Variants in PRKAA1 observed in about 807,000 individuals in gnomAD.
PRKAA1 encodes 5'-AMP-activated protein kinase catalytic subunit alpha-1.
A neutral mutation model predicts 56.9 loss-of-function variants in PRKAA1; 23 were observed. That is an observed-to-expected ratio of 0.40 (90% CI 0.29 to 0.57). The LOEUF (loss-of-function observed/expected upper bound fraction) is 0.57. Among genes scored for constraint, PRKAA1 ranks in the 20% least tolerant of loss-of-function variants. The pLI is 0.39. For synonymous variants in PRKAA1, 226 were observed against 227.0 expected, an observed-to-expected ratio of 1.00 and a Z score of 0.04; for missense variants, 413 against 679.7, an observed-to-expected ratio of 0.61 and a Z score of 4.36.
intron 2 of PRKAA1, chr5:40,776,883 T>C (rs1287376465): frequency 6.6e-6 from 1 of 152,194 alleles, no homozygotes; most frequent in Non-Finnish European, 1.5e-5. Flanking sequence ...GCACCAAACA[T>C]TACCAGAAGA....
Position 40,761,552 on chromosome 5 carries a change from T to G in PRKAA1, c.*1226A>C, listed in dbSNP as rs563699720. ...TGAATCTAAATGGTAGATATACATGTGCTTACCAAACAGTTTTTCAATTTT... is the reference window on the plus strand; with the variant it reads ...TGAATCTAAATGGTAGATATACATGGGCTTACCAAACAGTTTTTCAATTTT... On this transcript the variant is annotated 3_prime_UTR_variant, in exon 9 of 9. Transcript: ENST00000397128. 2.6e-5 allele frequency: 4 copies of G among 152,318 alleles called. No homozygotes were observed. Among genetic ancestry groups the G allele is most frequent in the Admixed American group, 2.0e-4 (3 of 15,296 alleles). The allele number at this position is 152,318 out of a possible 1,614,324, so 9.4% of individuals were successfully genotyped here.
rs1743590518 is a variant in PRKAA1, at chr5:40,768,804, G to A, written c.596+612C>T. ...TTTCAGTAGTATAGTGAAGGACAAA[G>A]AGTTATTCTTAAAAATATTAAATTC... On this transcript the variant is annotated intron_variant, in intron 5 of 8. Transcript: ENST00000397128. 8 of 1,464,478 alleles carry A rather than the reference G, an allele frequency of 5.5e-6. No individual in the cohort carries two copies. The South Asian group carries it at 1.1e-4, about 20-fold the overall frequency. 90.7% of individuals were successfully genotyped at this position (1,464,478 alleles called of 1,614,324 possible). A position where few individuals can be genotyped will look rare whatever the true frequency, so the allele number is the denominator to read the frequency against.
At chr5:40,790,684 C>T (rs1276223880) in intron 1 of PRKAA1, among the ~76,000 whole-genome samples, 3 of 151,984 alleles carry the variant, frequency 2.0e-5, no homozygotes, top group Non-Finnish European at 4.4e-5. Flanking sequence ...GGACAACAGG[C>T]GCATGCCACC....
chr5:40,776,034 T>C (rs1328585832), intron 2 of PRKAA1, among the ~76,000 whole-genome samples: 1 of 152,186 alleles, frequency 6.6e-6, no homozygotes, highest in Non-Finnish European at 1.5e-5. Flanking sequence ...TGAAAAGCTA[T>C]CGTACGTTTT....
rs1743124857 is a variant in PRKAA1, at chr5:40,760,327, CAG to C, written c.*2449_*2450del. 1 of 152,588 alleles carries C rather than the reference CAG, an allele frequency of 6.6e-6. No individual in the cohort carries two copies. Among genetic ancestry groups the C allele is most frequent in the South Asian group, 2.1e-4 (1 of 4,830 alleles). 9.5% of individuals were successfully genotyped at this position (152,588 alleles called of 1,614,324 possible). A position where few individuals can be genotyped will look rare whatever the true frequency, so the allele number is the denominator to read the frequency against. On this transcript the variant is annotated 3_prime_UTR_variant, in exon 9 of 9. Coordinates refer to ENST00000397128, the MANE Select transcript of PRKAA1 (RefSeq NM_006251.6). ...ATTTAAATATTTTCAAAATAAAACA[CAG>C]TAACTAAAATGAATCACAATAACTT...
chr5:40,775,641 CT>C (rs1488869008), intron 2 of PRKAA1, 138 bp from the exon 3 acceptor site: 1 of 624,468 alleles, frequency 1.6e-6, no homozygotes, highest in Non-Finnish European at 2.8e-6. Flanking sequence ...ATTCTCTGCT[CT>C]CATGGAGTTC....
At chr5:40,773,739 C>T (rs761224707) in intron 3 of PRKAA1, among the ~76,000 whole-genome samples, 2 of 152,172 alleles carry the variant, frequency 1.3e-5, no homozygotes, top group African/African-American at 2.4e-5. Flanking sequence ...GGGAACTGCT[C>T]AAGGTAGAAG....
chr5:40,794,742 G>A (rs1243778097), intron 1 of PRKAA1, among the ~76,000 whole-genome samples: 1 of 125,904 alleles, frequency 7.9e-6, no homozygotes, highest in Non-Finnish European at 1.8e-5. Context: ...TGTTGAAAAG[G>A]GTGAACAGGG....
At chr5:40,782,823 T>G (rs1429761357) in intron 1 of PRKAA1, among the ~76,000 whole-genome samples, 1 of 152,134 alleles carries the variant, frequency 6.6e-6, no homozygotes, top group African/African-American at 2.4e-5. Context: ...AGCAGAATAT[T>G]AATCCACCTG....
chr5:40,787,992 A>G (rs911791965), intron 1 of PRKAA1, among the ~76,000 whole-genome samples: 26 of 152,330 alleles, frequency 1.7e-4, no homozygotes, highest in African/African-American at 6.0e-4. Context: ...AAATGAAGGG[A>G]CTGAAAAAGA....
intron 6 of PRKAA1, 65 bp downstream of exon 6, chr5:40,767,401 T>C (rs1345968389): frequency 2.1e-6 from 3 of 1,404,276 alleles, no homozygotes; most frequent in Non-Finnish European, 2.9e-6. Flanking sequence ...TGCAACTTTT[T>C]TTTTTTCACA....
At position 40,778,759 on chromosome 5, in the gene PRKAA1, A is replaced by G. The variant is rs1433972743; in HGVS notation, c.128-1173T>C. 8.7e-5 allele frequency among the ~76,000 whole-genome samples: 11 copies of G among 126,448 alleles called. No homozygotes were observed. In the South Asian group the frequency reaches 2.6e-3, roughly 30 times the overall value. The allele number at this position is 126,448 out of a possible 152,430, so 83.0% of individuals were successfully genotyped here. A position where few individuals can be genotyped will look rare whatever the true frequency, so the allele number is the denominator to read the frequency against. Reference sequence around the variant, plus strand: ...TTTTTTTGGTTTCTCTGTGTTTTAAATTTTTTTTCCTGTTTTTTAATTTTT... The same window carrying G: ...TTTTTTTGGTTTCTCTGTGTTTTAAGTTTTTTTTCCTGTTTTTTAATTTTT... On this transcript the variant is annotated intron_variant, in intron 1 of 8. Transcript: ENST00000397128.
intron 5 of PRKAA1, chr5:40,769,045 C>CA (rs1743602249): frequency 1.3e-6 from 1 of 799,226 alleles, no homozygotes; most frequent in Non-Finnish European, 1.9e-6. Context: ...TACAAAATGC[C>CA]ATCTATGTAA....
Position 40,769,433 on chromosome 5 carries a change from T to A in PRKAA1, c.579A>T (p.Pro193=). 1 of 1,608,326 alleles carries A rather than the reference T, an allele frequency of 6.2e-7. No individual in the cohort carries two copies. The highest frequency in any genetic ancestry group is 8.5e-7 in the Non-Finnish European group (1 of 1,176,242). ...AATACTACCTTCCTGAAATTACTTC[T>A]GGTGCAGCATAGTTGGGTGAGCCAC... ...TSCGSPNYAA[P]EVISGRLYAG... is the part of the protein sequence containing the mutation. The change falls in exon 5 of 9, where the codon CCA becomes CCT. Residue 193 remains proline, a synonymous_variant. Coordinates refer to ENST00000397128, the MANE Select transcript of PRKAA1 (RefSeq NM_006251.6).
Position 40,762,478 on chromosome 5 carries a change from T to G in PRKAA1, c.*300A>C. On this transcript the variant is annotated 3_prime_UTR_variant, in exon 9 of 9. Coordinates refer to ENST00000397128, the MANE Select transcript of PRKAA1 (RefSeq NM_006251.6). Reference sequence around the variant, plus strand: ...ATGAAGGCCTTTATGTAAATTAATATTTCAAAGCCCTGTGTACACTAAATA... The same window carrying G: ...ATGAAGGCCTTTATGTAAATTAATAGTTCAAAGCCCTGTGTACACTAAATA... 1 of 262,016 alleles carries G rather than the reference T, an allele frequency of 3.8e-6. No individual in the cohort carries two copies. Among genetic ancestry groups the G allele is most frequent in the South Asian group, 5.9e-5 (1 of 17,078 alleles). The allele number at this position is 262,016 out of a possible 1,614,324, so 16.2% of individuals were successfully genotyped here.
At chr5:40,775,819 G>T (rs1743975109) in intron 2 of PRKAA1, among the ~76,000 whole-genome samples, 2 of 152,120 alleles carry the variant, frequency 1.3e-5, no homozygotes, top group Non-Finnish European at 2.9e-5. Flanking sequence ...AAGAAGAATG[G>T]GAACAAATTA....
At chr5:40,797,509 A>T (rs1744978473) in intron 1 of PRKAA1, among the ~76,000 whole-genome samples, 2 of 152,252 alleles carry the variant, frequency 1.3e-5, no homozygotes, top group Non-Finnish European at 2.9e-5. Flanking sequence ...TGGTCTTTAA[A>T]AAAAATGATG....
Position 40,760,092 on chromosome 5 carries a change from AAAGAT to A in PRKAA1, c.*2681_*2685del, listed in dbSNP as rs1372673689. On this transcript the variant is annotated 3_prime_UTR_variant, in exon 9 of 9. Coordinates refer to ENST00000397128, the MANE Select transcript of PRKAA1 (RefSeq NM_006251.6). ...AGTCACAAAAAATATAAACTGCTGA[AAAGAT>A]AATAAAAAAAGATTAAAAATCATTT... is the stretch of plus-strand genomic sequence containing the variant. The A allele has an allele frequency of 1.3e-5, 2 of 152,784 alleles. No homozygotes were observed. The highest frequency in any genetic ancestry group is 2.9e-5 in the Non-Finnish European group (2 of 68,026). 9.5% of individuals were successfully genotyped at this position (152,784 alleles called of 1,614,324 possible). A position where few individuals can be genotyped will look rare whatever the true frequency, so the allele number is the denominator to read the frequency against.
Position 40,798,326 on chromosome 5 carries a change from G to T in PRKAA1, c.-137C>A. The T allele has an allele frequency of 2.4e-6, 1 of 419,702 alleles. No individual in the cohort carries two copies. Among genetic ancestry groups the T allele is most frequent in the Non-Finnish European group, 3.8e-6 (1 of 260,818 alleles). The allele number at this position is 419,702 out of a possible 1,614,324, so 26.0% of individuals were successfully genotyped here. A position where few individuals can be genotyped will look rare whatever the true frequency, so the allele number is the denominator to read the frequency against. ...CAGCCCAGGCCCCGCAGCCTACGTC[G>T]GGCGCAGACGCTCCCCCTGGCGGGG... On this transcript the variant is annotated 5_prime_UTR_variant, in exon 1 of 9. Transcript: ENST00000397128.
Sources: gnomAD v4.1 joint callset for allele counts (sites outside exome capture counted in the v4.1 genomes callset) on GRCh38, gnomAD v4.1.1 for gene constraint, MANE v1.5 for transcripts, NCBI Gene and HGNC (gene_info 2026-07-23, HGNC 2026-07-21) for gene names.